The following FBF1 variants were observed in gnomAD, a reference collection of about 807,000 sequenced individuals.
The protein encoded by FBF1 is fas-binding factor 1.
FBF1 carries 119 observed loss-of-function variants against 147.2 expected under a neutral mutation model. The ratio of observed to expected loss-of-function variants is 0.81; its 90% confidence interval spans 0.70 to 0.94. The LOEUF (loss-of-function observed/expected upper bound fraction) is 0.94. FBF1 is among the 40% of genes least tolerant of loss of function. FBF1 has a pLI of 0.00. For synonymous variants in FBF1, 601 were observed against 609.0 expected (o/e 0.99, Z 0.19); for missense variants, 1,449 against 1,500.8 (o/e 0.97, Z 0.57).
chr17:75,918,146 G>T lies in FBF1; in HGVS notation c.2246+16C>A. ...CCCCCAACGTCAGGCGGGCATGGTT[G>T]GGGCAGCGCACATACCGCGTGTGGG... On this transcript the variant is annotated intron_variant, in intron 21 of 29. Transcript: ENST00000636174. This position sits in a 1 kb window ranked among gnomAD's most constrained non-coding sequence, Gnocchi z 5.8. The T allele has an allele frequency of 1.2e-6, 2 of 1,612,306 alleles. No individual in the cohort carries two copies. Among genetic ancestry groups the T allele is most frequent in the Non-Finnish European group, 8.5e-7 (1 of 1,179,084 alleles).
chr17:75,921,262 C>A lies in FBF1; in HGVS notation c.1656G>T (p.Glu552Asp). The A allele has an allele frequency of 6.3e-7, 1 of 1,592,006 alleles. No individual in the cohort carries two copies. Among genetic ancestry groups the A allele is most frequent in the Non-Finnish European group, 8.6e-7 (1 of 1,169,214 alleles). ...TCFPSTQKPT[E>D]PSVPVQPLLP... ...CCCCTACCTGGACGGGCACGGAAGG[C>A]TCTGTGGGTTTCTGGGTGCTCGGGA... is the stretch of plus-strand genomic sequence containing the variant. Residue 552 changes from glutamate (E) to aspartate (D), a missense_variant, in exon 17 of 30, where the codon GAG (glutamate) becomes GAT (aspartate). Coordinates refer to ENST00000636174, the MANE Select transcript of FBF1 (RefSeq NM_001319193.2).
Position 75,938,190 on chromosome 17 carries a change from T to C in FBF1, c.-41A>G. ...GGTGCTCTCAGCTCCTTCACAGCAC[T>C]GGCCAGCTCATCTGGATTCTGCCCA... is the stretch of plus-strand genomic sequence containing the variant. On this transcript the variant is annotated 5_prime_UTR_variant, in exon 2 of 30. Coordinates refer to ENST00000636174, the MANE Select transcript of FBF1 (RefSeq NM_001319193.2). The C allele has an allele frequency of 6.2e-7, 1 of 1,613,460 alleles. No individual in the cohort carries two copies. Among genetic ancestry groups the C allele is most frequent in the Non-Finnish European group, 8.5e-7 (1 of 1,179,760 alleles).
intron 7 of FBF1, 119 bp downstream of exon 7, chr17:75,929,878 G>T: frequency 2.2e-6 from 2 of 915,118 alleles, no homozygotes; most frequent in Non-Finnish European, 3.4e-6. Context: ...ACGAGGAAGG[G>T]CTCAGAAACA....
chr17:75,914,832 AGC>A lies in FBF1; in HGVS notation c.2727_2728del (p.Lys909AsnfsTer3). On this transcript the variant is annotated frameshift_variant, in exon 25 of 30. Coordinates refer to ENST00000636174, the MANE Select transcript of FBF1 (RefSeq NM_001319193.2). LOFTEE classifies it high-confidence loss of function. ...CTCGCGCTCGGCCCGCTCCTTACTC[AGC>A]TTTTGCTGCGCGGAGAACTCCGCCC... is the stretch of plus-strand genomic sequence containing the variant. 1 of 1,602,696 alleles carries A rather than the reference AGC, an allele frequency of 6.2e-7. No individual in the cohort carries two copies. Among genetic ancestry groups the A allele is most frequent in the Non-Finnish European group, 8.5e-7 (1 of 1,177,472 alleles).
chr17:75,933,248 G>T (rs957035854), intron 4 of FBF1, among the ~76,000 whole-genome samples, 160 bp from the exon 5 acceptor site: 1 of 152,146 alleles, frequency 6.6e-6, no homozygotes, highest in Non-Finnish European at 1.5e-5. Context: ...AAACCTGAAT[G>T]GGAGAGAGGG....
At position 75,914,095 on chromosome 17, in the gene FBF1, G is replaced by A. The variant is rs1332539603; in HGVS notation, c.2991+27C>T. On this transcript the variant is annotated intron_variant, in intron 26 of 29. Transcript: ENST00000636174. The stretch of plus-strand genomic sequence containing the variant: ...GTCAGGGCTGCCTGGGCTCAGATGC[G>A]CCCACGCCCATGTGCCCGAGCAGCA... 3.8e-6 allele frequency: 6 copies of A among 1,593,984 alleles called. No homozygotes were observed. In the East Asian group the frequency reaches 6.7e-5, roughly 18 times the overall value.
intron 2 of FBF1, 41 bp from the exon 3 acceptor site, chr17:75,937,634 G>A: frequency 6.2e-7 from 1 of 1,611,144 alleles, no homozygotes; most frequent in Non-Finnish European, 8.5e-7. Context: ...AAACCAAACA[G>A]TGAACACAGG....
Position 75,919,989 on chromosome 17 carries a change from G to A in FBF1, c.1931+18C>T. ...CAGTGTGAGATCCAAGGCAGAGCTG[G>A]GGCCAGCGCCAGGGTACCTGTGTGC... On this transcript the variant is annotated intron_variant, in intron 19 of 29. Coordinates refer to ENST00000636174, the MANE Select transcript of FBF1 (RefSeq NM_001319193.2). This position sits in a 1 kb window ranked among gnomAD's most constrained non-coding sequence, Gnocchi z 5.0. 1 of 1,609,206 alleles carries A rather than the reference G, an allele frequency of 6.2e-7. No individual in the cohort carries two copies. The highest frequency in any genetic ancestry group is 8.5e-7 in the Non-Finnish European group (1 of 1,177,506).
rs2065526630 is a variant in FBF1 at position 75,921,576 on chromosome 17, T to A, written c.1527-16A>T. 1.5e-5 allele frequency: 21 copies of A among 1,422,800 alleles called. No individual in the cohort carries two copies. The highest frequency in any genetic ancestry group is 2.0e-5 in the Non-Finnish European group (21 of 1,064,666). 88.1% of individuals were successfully genotyped at this position (1,422,800 alleles called of 1,614,324 possible). A position where few individuals can be genotyped will look rare whatever the true frequency, so the allele number is the denominator to read the frequency against. ...CACAGGGGACCTGAGGACACAGGGA[T>A]GGGGCATGGTGAGCAGCCTCTGTGT... On this transcript the variant is annotated splice_polypyrimidine_tract_variant and intron_variant, in intron 15 of 29. Coordinates refer to ENST00000636174, the MANE Select transcript of FBF1 (RefSeq NM_001319193.2).
rs1598156235 is a variant in FBF1 at position 75,922,631 on chromosome 17, G to C, written c.1424+555C>G. ...CACAGCACATCTCACCACTTCCTCT[G>C]GACTCCCCCAGCCTGCTGGCCCCTT... On this transcript the variant is annotated intron_variant, in intron 14 of 29. Coordinates refer to ENST00000636174, the MANE Select transcript of FBF1 (RefSeq NM_001319193.2). This position sits in a 1 kb window ranked among gnomAD's most constrained non-coding sequence, Gnocchi z 5.0. Among the ~76,000 whole-genome samples, 1 of 152,020 alleles carries C rather than the reference G, an allele frequency of 6.6e-6. No individual in the cohort carries two copies. Among genetic ancestry groups the C allele is most frequent in the South Asian group, 2.1e-4 (1 of 4,822 alleles).
intron 28 of FBF1, 72 bp from the exon 29 acceptor site, chr17:75,912,379 G>C (rs1428171707): frequency 8.5e-7 from 1 of 1,180,836 alleles, no homozygotes; most frequent in Non-Finnish European, 1.2e-6. Flanking sequence ...GCTTGTTCCT[G>C]CAGAGCTGCT....
intron 16 of FBF1, 54 bp from the exon 17 acceptor site, chr17:75,921,356 G>A (rs1377408473): frequency 4.5e-6 from 7 of 1,552,348 alleles, no homozygotes; most frequent in East Asian, 2.4e-5. Context: ...CTGGGCCTGC[G>A]AGTGTCCAGG....
intron 29 of FBF1, among the ~76,000 whole-genome samples, chr17:75,911,785 ACAGGTGTGAGC>A (rs2065458024): frequency 6.6e-6 from 1 of 152,118 alleles, no homozygotes; most frequent in Non-Finnish European, 1.5e-5. Context: ...TGCTGGGATT[ACAGGTGTGAGC>A]CACGCACCTG....
At position 75,920,105 on chromosome 17, in the gene FBF1, C is replaced by T. The variant is rs1349315959; in HGVS notation, c.1833G>A (p.Val611=). 1 of 1,583,706 alleles carries T rather than the reference C, an allele frequency of 6.3e-7. No homozygotes were observed. The highest frequency in any genetic ancestry group is 8.6e-7 in the Non-Finnish European group (1 of 1,165,922). Residue 611 remains valine, a splice_region_variant and synonymous_variant, in exon 19 of 30, where the codon GTG becomes GTA. Coordinates refer to ENST00000636174, the MANE Select transcript of FBF1 (RefSeq NM_001319193.2). ...GGGCCCGTTCTAGCTCCAGCTTCCG[C>T]ACCTGGGAGACAGCAGGAGGGCCAG... ...QARLAELEAQ[V]RKLELERAQH...
rs377289820 is a variant in FBF1 at position 75,921,998 on chromosome 17, C to G, written c.1473G>C (p.Gly491=). 4 of 1,551,784 alleles carry G rather than the reference C, an allele frequency of 2.6e-6. No individual in the cohort carries two copies. In the East Asian group the frequency reaches 9.8e-5, roughly 38 times the overall value. Residue 491 remains glycine, a synonymous_variant, in exon 15 of 30, where the codon GGG becomes GGC. Transcript: ENST00000636174. The part of the protein sequence containing the change: ...TQGLEHAAAG[G]SSGTTARERP... ...TTTCTCGTGCAGTTGTTCCAGAACT[C>G]CCTCCAGCAGCTGCGTGCTCAAGCC...
chr17:75,929,094 G>C (rs556142933), intron 7 of FBF1, among the ~76,000 whole-genome samples: 1 of 151,656 alleles, frequency 6.6e-6, no homozygotes, highest in South Asian at 2.1e-4. Context: ...AGGCTCAAGC[G>C]AGCCTACTGC....
intron 4 of FBF1, 37 bp from the exon 5 acceptor site, chr17:75,933,125 TA>T: frequency 6.6e-7 from 1 of 1,505,040 alleles, no homozygotes. Context: ...GTCATTTAAC[TA>T]AAGGTACCTG....
chr17:75,917,584 G>A, intron 23 of FBF1, 148 bp downstream of exon 23: 1 of 734,978 alleles, frequency 1.4e-6, no homozygotes, highest in South Asian at 1.8e-5. Flanking sequence ...GCCTGGCCAG[G>A]GCAGGGAGAT....
In FBF1 at chr17:75,922,309, T is replaced by A. The variant is rs779485141; in HGVS notation, c.1425-263A>T. ...TGTCCAAGCAGTGACAACGGAAATGTTATAGACACTGGAGTCAAGTTCAAG... is the reference window on the plus strand; with the variant it reads ...TGTCCAAGCAGTGACAACGGAAATGATATAGACACTGGAGTCAAGTTCAAG... On this transcript the variant is annotated intron_variant, in intron 14 of 29. Transcript: ENST00000636174. This position sits in a 1 kb window ranked among gnomAD's most constrained non-coding sequence, Gnocchi z 5.0. Among the ~76,000 whole-genome samples, 2 of 152,108 alleles carry A rather than the reference T, an allele frequency of 1.3e-5. No homozygotes were observed. The highest frequency in any genetic ancestry group is 2.9e-5 in the Non-Finnish European group (2 of 68,004).
Sources: gnomAD v4.1 joint callset for allele counts (sites outside exome capture counted in the v4.1 genomes callset) on GRCh38, gnomAD v4.1.1 for gene constraint, Gnocchi (gnomAD v3.1) non-coding constraint, MANE v1.5 for transcripts, NCBI Gene and HGNC (gene_info 2026-07-23, HGNC 2026-07-21) for gene names.